MCTP1: variants seen among roughly 807,000 people sequenced by gnomAD.
The protein encoded by MCTP1 is multiple C2 and transmembrane domain-containing protein 1.
Under a neutral mutation model 120.6 loss-of-function variants are expected in MCTP1, and 69 were observed. The ratio of observed to expected loss-of-function variants is 0.57; its 90% confidence interval spans 0.47 to 0.70. The LOEUF is 0.70. Ranked by LOEUF, MCTP1 falls within the 30% of genes least tolerant of loss-of-function variation. The probability of loss-of-function intolerance (pLI) is 0.00; values close to 1 mark genes in which losing one functional copy is unlikely to be tolerated. For missense variants in MCTP1, 1,203 were observed against 1,248.8 expected (o/e 0.96, Z 0.55); for synonymous variants, 529 against 493.1 (o/e 1.07, Z -0.96).
At chr5:94,848,903 C>T (rs1317863858) in intron 17 of MCTP1, among the ~76,000 whole-genome samples, 5 of 151,696 alleles carry the variant, frequency 3.3e-5, no homozygotes, top group Non-Finnish European at 5.9e-5. Flanking sequence ...TGTATGTCAA[C>T]ACCTGAAACT....
chr5:94,911,037 A>G (rs566794981), intron 9 of MCTP1, among the ~76,000 whole-genome samples: 3 of 152,046 alleles, frequency 2.0e-5, no homozygotes, highest in Admixed American at 6.5e-5. Flanking sequence ...TTCCCTTTCT[A>G]TGTGGACACT....
intron 21 of MCTP1, chr5:94,709,845 G>A (rs1229293436): frequency 6.6e-6 from 1 of 152,010 alleles, no homozygotes; most frequent in Non-Finnish European, 1.5e-5. Context: ...ATGGCAAGTT[G>A]GGCCAAAAAG....
chr5:94,849,771 G>A (rs1243710528), intron 17 of MCTP1, among the ~76,000 whole-genome samples: 2 of 151,956 alleles, frequency 1.3e-5, no homozygotes, highest in Non-Finnish European at 1.5e-5. Context: ...GTGCTTTTTG[G>A]TATGGAACAC....
chr5:94,889,840 AC>A (rs1344829611), intron 11 of MCTP1, among the ~76,000 whole-genome samples: 1 of 152,058 alleles, frequency 6.6e-6, no homozygotes, highest in Non-Finnish European at 1.5e-5. Flanking sequence ...AATAAAAAAA[AC>A]ACATTTAATC....
At chr5:94,870,195 C>A (rs1441536632) in intron 16 of MCTP1, among the ~76,000 whole-genome samples, 1 of 152,104 alleles carries the variant, frequency 6.6e-6, no homozygotes, top group Non-Finnish European at 1.5e-5. Context: ...TGACCACCCC[C>A]ATCCAATTTA....
chr5:94,820,524 T>C (rs991716909), intron 17 of MCTP1, among the ~76,000 whole-genome samples: 1 of 152,234 alleles, frequency 6.6e-6, no homozygotes, highest in Non-Finnish European at 1.5e-5. Context: ...GAAAAAATCT[T>C]GTCCCATTCT....
chr5:95,052,794 G>A (rs1239863663), intron 1 of MCTP1, among the ~76,000 whole-genome samples: 1 of 152,246 alleles, frequency 6.6e-6, no homozygotes, highest in African/African-American at 2.4e-5. Context: ...ATTTTAATGT[G>A]TGTTTTCTAA....
intron 17 of MCTP1, among the ~76,000 whole-genome samples, chr5:94,814,093 T>C (rs1457744696): frequency 1.3e-5 from 2 of 152,200 alleles, no homozygotes; most frequent in African/African-American, 4.8e-5. Context: ...GTTGTACAAC[T>C]CTGGAAATTT....
chr5:95,132,797 T>C (rs1404931882), intron 1 of MCTP1, among the ~76,000 whole-genome samples: 1 of 152,254 alleles, frequency 6.6e-6, no homozygotes, highest in Non-Finnish European at 1.5e-5. Context: ...TGTATCACTG[T>C]GCATGGTTAC....
At chr5:95,275,811 A>G (rs886439780) in intron 1 of MCTP1, among the ~76,000 whole-genome samples, 1 of 151,904 alleles carries the variant, frequency 6.6e-6, no homozygotes, top group Admixed American at 6.5e-5. Context: ...ACATCTCTGG[A>G]TGCTAAATGG....
chr5:94,710,864 T>G lies in MCTP1; in HGVS notation c.2784A>C (p.Thr928=). 1 of 1,613,028 alleles carries G rather than the reference T, an allele frequency of 6.2e-7. No homozygotes were observed. Among genetic ancestry groups the G allele is most frequent in the East Asian group, 2.2e-5 (1 of 44,824 alleles). Residue 928 remains threonine (T), a synonymous_variant, in exon 21 of 23, where the codon ACA becomes ACC. Transcript: ENST00000515393. ...WLAIVALCVF[T]AILYCIPLRY... is the part of the protein sequence containing the mutation. ...TCAGCGGAATGCAGTACAGGATGGCTGTGAACACACAGAGGGCTACAATGG... is the reference window on the plus strand; with the variant it reads ...TCAGCGGAATGCAGTACAGGATGGCGGTGAACACACAGAGGGCTACAATGG...
rs1758227756 is a variant in MCTP1 at position 94,714,207 on chromosome 5, A to G, written c.2720+570T>C. ...ATTTTATTTTAAAAAGTTAAGGAAA[A>G]GGGATTCTGTTTTTATAATTTTAAA... is the stretch of plus-strand genomic sequence containing the variant. On this transcript the variant is annotated intron_variant, in intron 20 of 22. Coordinates refer to ENST00000515393, the MANE Select transcript of MCTP1 (RefSeq NM_024717.7). Among the ~76,000 whole-genome samples, 4 of 152,158 alleles carry G rather than the reference A, an allele frequency of 2.6e-5. No individual in the cohort carries two copies. The South Asian group carries it at 8.3e-4, about 31-fold the overall frequency.
intron 2 of MCTP1, among the ~76,000 whole-genome samples, chr5:94,993,742 G>C (rs1832067890): frequency 6.6e-6 from 1 of 152,054 alleles, no homozygotes; most frequent in Non-Finnish European, 1.5e-5. Flanking sequence ...AATAATGTCT[G>C]GCCTCTGATC....
At chr5:94,763,036 T>C (rs1771694842) in intron 19 of MCTP1, among the ~76,000 whole-genome samples, 1 of 152,248 alleles carries the variant, frequency 6.6e-6, no homozygotes, top group South Asian at 2.1e-4. Context: ...CTCTTCAACA[T>C]AAATTTTTTC....
At chr5:95,180,803 T>G (rs889982488) in intron 1 of MCTP1, among the ~76,000 whole-genome samples, 2 of 152,180 alleles carry the variant, frequency 1.3e-5, no homozygotes, top group African/African-American at 4.8e-5. Flanking sequence ...CTTTTAATTT[T>G]CCCTTCCCAG....
intron 6 of MCTP1, among the ~76,000 whole-genome samples, chr5:94,925,427 GA>G (rs1292439510): frequency 6.7e-6 from 1 of 148,938 alleles, no homozygotes; most frequent in Non-Finnish European, 1.5e-5. Flanking sequence ...TTTTTTTTTT[GA>G]GACAGAGTCT....
chr5:94,924,037 T>C lies in MCTP1; in HGVS notation c.1213-16A>G, dbSNP rs1459190539. 1 of 1,384,716 alleles carries C rather than the reference T, an allele frequency of 7.2e-7. No homozygotes were observed. Among genetic ancestry groups the C allele is most frequent in the South Asian group, 1.5e-5 (1 of 67,720 alleles). 85.8% of individuals were successfully genotyped at this position (1,384,716 alleles called of 1,614,324 possible). On this transcript the variant is annotated splice_polypyrimidine_tract_variant and intron_variant, in intron 6 of 22. Transcript: ENST00000515393. ...CTGAAAGTTCCTAGAAACAAACAAA[T>C]ATTTAGCTACATTTTGAGATGTTTT... is the stretch of plus-strand genomic sequence containing the variant.
At chr5:94,911,244 A>G (rs761763461) in intron 9 of MCTP1, among the ~76,000 whole-genome samples, 9 of 152,300 alleles carry the variant, frequency 5.9e-5, no homozygotes, top group South Asian at 2.1e-4. Context: ...TACAAGACGG[A>G]TATGATCAGT....
At chr5:95,105,696 T>A (rs754464007) in intron 1 of MCTP1, among the ~76,000 whole-genome samples, 22 of 152,056 alleles carry the variant, frequency 1.4e-4, no homozygotes, top group Non-Finnish European at 1.2e-4. Flanking sequence ...CCAGGAATTG[T>A]CCCTTATTAG....
Sources: allele counts gnomAD v4.1 joint callset (sites outside exome capture counted in the v4.1 genomes callset), GRCh38; gene constraint gnomAD v4.1.1; transcripts MANE v1.5; gene names NCBI Gene and HGNC (gene_info 2026-07-23, HGNC 2026-07-21).